Variants in AHNAK2 observed in about 807,000 individuals in gnomAD.
The protein encoded by AHNAK2 is protein AHNAK2.
Under a neutral mutation model 30.7 loss-of-function variants are expected in AHNAK2, and 18 were observed. The ratio of observed to expected loss-of-function variants is 0.59; its 90% CI spans 0.41 to 0.87. AHNAK2 has a LOEUF of 0.87. AHNAK2 is among the 40% of genes least tolerant of loss of function. The probability of loss-of-function intolerance (pLI) is 0.00; values close to 1 mark genes in which losing one functional copy is unlikely to be tolerated. For missense variants in AHNAK2, 8,604 were observed against 7,373.0 expected, an observed-to-expected ratio of 1.17 and a Z score of -6.11; for synonymous variants, 3,590 against 3,073.8, an observed-to-expected ratio of 1.17 and a Z score of -5.56.
Position 104,942,513 on chromosome 14 carries a change from G to A in AHNAK2, c.12938C>T (p.Pro4313Leu), listed in dbSNP as rs1162030103. The A allele has an allele frequency of 1.2e-6, 2 of 1,612,904 alleles. No individual in the cohort carries two copies. The highest frequency in any genetic ancestry group is 1.3e-5 in the African/African-American group (1 of 74,678). Residue 4313 changes from proline to leucine, a missense_variant, in exon 7 of 7, where the codon CCA becomes CTA. By Grantham distance (98) the Pro-to-Leu change is moderately conservative (BLOSUM62 -3). Coordinates refer to ENST00000333244, the MANE Select transcript of AHNAK2 (RefSeq NM_138420.4). ...FKMPSFGVSA[P>L]GKSIEASLDV... ...CAACGAGGCCTCGATGGACTTGCCTGGGGCAGACACCCCGAACGACGGCAT... is the reference window on the plus strand; with the variant it reads ...CAACGAGGCCTCGATGGACTTGCCTAGGGCAGACACCCCGAACGACGGCAT...
chr14:104,971,465 GT>G (rs1435960752), intron 1 of AHNAK2, among the ~76,000 whole-genome samples: 1 of 152,080 alleles, frequency 6.6e-6, no homozygotes, highest in East Asian at 1.9e-4. Context: ...GCCCTGGCTA[GT>G]CTCAAACTCC....
At position 104,950,756 on chromosome 14, in the gene AHNAK2, A is replaced by G. The variant is rs2396456; in HGVS notation, c.4695T>C (p.Pro1565=). The G allele has an allele frequency of 9.6e-4, 1,512 of 1,582,702 alleles. 133 individuals are homozygous for G. In the African/African-American group the frequency reaches 0.01, roughly 11 times the overall value. ...GQVDVKLPEG[P]VSEGAGLKGH... is the part of the protein sequence containing the mutation. The stretch of plus-strand genomic sequence containing the variant: ...CTTTGAGGCCGGCTCCCTCGGACAC[A>G]GGGCCCTCTGGGAGTTTCACGTCCA... Residue 1565 remains proline (P), a synonymous_variant, in exon 7 of 7, where the codon CCT becomes CCC. Transcript: ENST00000333244.
Position 104,939,047 on chromosome 14 carries a change from C to G in AHNAK2, c.16404G>C (p.Gln5468His). Residue 5468 changes from glutamine to histidine, a missense_variant, in exon 7 of 7, where the codon CAG becomes CAC. By Grantham distance (24) the Gln-to-His change is conservative. Coordinates refer to ENST00000333244, the MANE Select transcript of AHNAK2 (RefSeq NM_138420.4). ...PPISKVRVHI[Q>H]GAQVESQEVT... ...CCTCTTGACTTTCAACCTGAGCACC[C>G]TGAATATGCACTCTGACCTTTGAAA... is the stretch of plus-strand genomic sequence containing the variant. 3 of 1,607,090 alleles carry G rather than the reference C, an allele frequency of 1.9e-6. No homozygotes were observed. Among genetic ancestry groups the G allele is most frequent in the Non-Finnish European group, 2.5e-6 (3 of 1,176,762 alleles).
At position 104,944,308 on chromosome 14, in the gene AHNAK2, C is replaced by A. The variant is rs1278011683; in HGVS notation, c.11143G>T (p.Ala3715Ser). 2 of 1,613,096 alleles carry A rather than the reference C, an allele frequency of 1.2e-6. No individual in the cohort carries two copies. Among genetic ancestry groups the A allele is most frequent in the Admixed American group, 1.7e-5 (1 of 59,972 alleles). The change falls in exon 7 of 7, where the codon GCC becomes TCC. Residue 3715 changes from alanine (A) to serine (S), a missense_variant. Coordinates refer to ENST00000333244, the MANE Select transcript of AHNAK2 (RefSeq NM_138420.4). Reference protein sequence around the residue: ...KLPEGQVPEGAGLKEHLPKVE... With the variant: ...KLPEGQVPEGSGLKEHLPKVE... ...TTGGGCAGGTGCTCTTTGAGGCCGG[C>A]TCCCTCGGGCACCTGGCCCTCCGGG...
chr14:104,948,250 G>A lies in AHNAK2; in HGVS notation c.7201C>T (p.Leu2401=), dbSNP rs747316420. 1 of 1,612,666 alleles carries A rather than the reference G, an allele frequency of 6.2e-7. No individual in the cohort carries two copies. Among genetic ancestry groups the A allele is most frequent in the South Asian group, 1.1e-5 (1 of 91,028 alleles). Residue 2401 remains leucine (L), a synonymous_variant, in exon 7 of 7, where the codon CTG becomes TTG. Coordinates refer to ENST00000333244, the MANE Select transcript of AHNAK2 (RefSeq NM_138420.4). The part of the protein sequence containing the change: ...VPEGAGLKGH[L]PKLQMPSFKM... ...AAACTGGGCATCTGCAGCTTGGGCA[G>A]GTGCCCTTTGAGGCCGGCTCCCTCC...
intron 1 of AHNAK2, among the ~76,000 whole-genome samples, chr14:104,960,438 A>G (rs549016325): frequency 6.6e-6 from 1 of 152,364 alleles, no homozygotes; most frequent in East Asian, 1.9e-4. Context: ...GAGATGATTT[A>G]AAGTATAGGG....
chr14:104,968,724 A>T (rs1595433042), intron 1 of AHNAK2, among the ~76,000 whole-genome samples: 1 of 152,206 alleles, frequency 6.6e-6, no homozygotes, highest in African/African-American at 2.4e-5. Context: ...CAGTGGCCGG[A>T]AAAGTCCATC....
In AHNAK2 at chr14:104,944,343, T is replaced by A. The variant is rs1180662037; in HGVS notation, c.11108A>T (p.Asp3703Val). 1 of 1,612,198 alleles carries A rather than the reference T, an allele frequency of 6.2e-7. No homozygotes were observed. ...ADLKVQAGQM[D>V]VKLPEGQVPE... ...CACCTGGCCCTCCGGGAGCTTCACA[T>A]CCATCTGGCCAGCCTGGACCTTCAG... Residue 3703 changes from aspartate (D) to valine (V), a missense_variant, in exon 7 of 7, where the codon GAT becomes GTT. Asp to Val is a radical substitution (Grantham distance 152). Transcript: ENST00000333244.
chr14:104,965,953 C>A (rs1899290916), intron 1 of AHNAK2, among the ~76,000 whole-genome samples: 1 of 152,160 alleles, frequency 6.6e-6, no homozygotes, highest in Non-Finnish European at 1.5e-5. Context: ...GCAGAGGCAC[C>A]CCCAGGGCCA....
At chr14:104,964,160 G>C (rs994798717) in intron 1 of AHNAK2, among the ~76,000 whole-genome samples, 5 of 152,242 alleles carry the variant, frequency 3.3e-5, no homozygotes, top group Middle Eastern at 3.4e-3. Context: ...CAAACAACCC[G>C]ATAGAAATAT....
chr14:104,950,828 C>T lies in AHNAK2; in HGVS notation c.4623G>A (p.Leu1541=), dbSNP rs138659930. ...GGTCAGCAGAAGGGGGCTGTATGCT[C>T]AGGTCAGTGGCCTTGAGGTCCCCCT... The part of the protein sequence containing the change: ...SMQGDLKATD[L]SIQPPSADLE... Residue 1541 remains leucine (L), a synonymous_variant, in exon 7 of 7, where the codon CTG becomes CTA. Coordinates refer to ENST00000333244, the MANE Select transcript of AHNAK2 (RefSeq NM_138420.4). The T allele has an allele frequency of 2.8e-5, 45 of 1,580,732 alleles. 3 individuals are homozygous for T. The highest frequency in any genetic ancestry group is 3.4e-5 in the Non-Finnish European group (39 of 1,160,104).
chr14:104,951,670 G>A lies in AHNAK2; in HGVS notation c.3781C>T (p.Leu1261Phe). ...MPSLKMPKVD[L>F]KGPQVEVRGP... Reference sequence around the variant, plus strand: ...CTGACTTCCACCTGGGGGCCCTTGAGGTCCACTTTGGGCATCTTCAAACTA... The same window carrying A: ...CTGACTTCCACCTGGGGGCCCTTGAAGTCCACTTTGGGCATCTTCAAACTA... Residue 1261 changes from leucine to phenylalanine, a missense_variant, in exon 7 of 7, where the codon CTC becomes TTC. Transcript: ENST00000333244. The A allele has an allele frequency of 8.0e-7, 1 of 1,242,426 alleles. No homozygotes were observed. The highest frequency in any genetic ancestry group is 1.5e-5 in the African/African-American group (1 of 68,708). The allele number at this position is 1,242,426 out of a possible 1,614,324, so 77.0% of individuals were successfully genotyped here.
intron 1 of AHNAK2, among the ~76,000 whole-genome samples, chr14:104,972,394 G>A (rs963292775): frequency 6.6e-6 from 1 of 152,196 alleles, no homozygotes; most frequent in Non-Finnish European, 1.5e-5. Flanking sequence ...GGCAGGGCAG[G>A]GCTGGCTGAG....
Position 104,941,800 on chromosome 14 carries a change from T to C in AHNAK2, c.13651A>G (p.Met4551Val). ...ACTTTGGGCATCTTGAAACTGGGCA[T>C]CTCCACCTTGGGCAGGTGCCCTTTG... Reference protein sequence around the residue: ...GLKGHLPKVEMPSFKMPKVDL... With the variant: ...GLKGHLPKVEVPSFKMPKVDL... The change falls in exon 7 of 7, where the codon ATG becomes GTG. Residue 4551 changes from methionine (M) to valine (V), a missense_variant. Physicochemically the swap from Met to Val is conservative, Grantham distance 21. Coordinates refer to ENST00000333244, the MANE Select transcript of AHNAK2 (RefSeq NM_138420.4). 1 of 1,613,368 alleles carries C rather than the reference T, an allele frequency of 6.2e-7. No individual in the cohort carries two copies. Among genetic ancestry groups the C allele is most frequent in the South Asian group, 1.1e-5 (1 of 91,056 alleles).
At position 104,953,221 on chromosome 14, in the gene AHNAK2, G is replaced by C; in HGVS notation, c.2230C>G (p.Pro744Ala). The C allele has an allele frequency of 6.2e-7, 1 of 1,612,900 alleles. No individual in the cohort carries two copies. Among genetic ancestry groups the C allele is most frequent in the Non-Finnish European group, 8.5e-7 (1 of 1,179,640 alleles). The change falls in exon 7 of 7, where the codon CCG becomes GCG. Residue 744 changes from proline to alanine, a missense_variant. Physicochemically the swap from Pro to Ala is conservative, Grantham distance 27. Coordinates refer to ENST00000333244, the MANE Select transcript of AHNAK2 (RefSeq NM_138420.4). ...GCTCCCTCGGGCAGGGGGCCCTCCGGAAGTTTCACATCCACTTGGCCATCC... is the reference window on the plus strand; with the variant it reads ...GCTCCCTCGGGCAGGGGGCCCTCCGCAAGTTTCACATCCACTTGGCCATCC... ...VQDGQVDVKL[P>A]EGPLPEGASL...
At position 104,940,873 on chromosome 14, in the gene AHNAK2, C is replaced by T. The variant is rs1177383714; in HGVS notation, c.14578G>A (p.Val4860Ile). Residue 4860 changes from valine to isoleucine, a missense_variant, in exon 7 of 7, where the codon GTA (valine) becomes ATA (isoleucine). By Grantham distance (29) the Val-to-Ile change is conservative. Coordinates refer to ENST00000333244, the MANE Select transcript of AHNAK2 (RefSeq NM_138420.4). The surrounding 1 kb of genome is among the most constrained non-coding windows in gnomAD (Gnocchi z 4.4). Reference protein sequence around the residue: ...NSMIPVSLGQVSFPKFYKPKF... With the variant: ...NSMIPVSLGQISFPKFYKPKF... ...GGTTTATAGAATTTAGGAAAAGATA[C>T]CTGACCAAGAGAAACAGGAATCATG... 9 of 1,612,834 alleles carry T rather than the reference C, an allele frequency of 5.6e-6. No homozygotes were observed. Among genetic ancestry groups the T allele is most frequent in the African/African-American group, 2.7e-5 (2 of 75,046 alleles).
intron 1 of AHNAK2, among the ~76,000 whole-genome samples, chr14:104,967,810 C>G (rs1047302864): frequency 5.3e-5 from 8 of 152,202 alleles, no homozygotes; most frequent in Non-Finnish European, 1.2e-4. Flanking sequence ...GCCAGGCTAC[C>G]GGCCTCGGAC....
At position 104,952,641 on chromosome 14, in the gene AHNAK2, T is replaced by A; in HGVS notation, c.2810A>T (p.Asp937Val). The A allele has an allele frequency of 6.2e-7, 1 of 1,611,364 alleles. No individual in the cohort carries two copies. Among genetic ancestry groups the A allele is most frequent in the Non-Finnish European group, 8.5e-7 (1 of 1,179,198 alleles). ...PKVDLKGPQI[D>V]VKGPKLDLKG... ...CAGGTCCAGCTTGGGGCCCTTAACA[T>A]CTATCTGGGGGCCCTTGAGGTCCAC... The change falls in exon 7 of 7, where the codon GAT becomes GTT. Residue 937 changes from aspartate to valine, a missense_variant. Coordinates refer to ENST00000333244, the MANE Select transcript of AHNAK2 (RefSeq NM_138420.4).
In AHNAK2 at chr14:104,947,154, T is replaced by C; in HGVS notation, c.8297A>G (p.Glu2766Gly). 1 of 1,611,932 alleles carries C rather than the reference T, an allele frequency of 6.2e-7. No homozygotes were observed. The highest frequency in any genetic ancestry group is 8.5e-7 in the Non-Finnish European group (1 of 1,179,484). The change falls in exon 7 of 7, where the codon GAA (glutamate) becomes GGA (glycine). Residue 2766 changes from glutamate (E) to glycine (G), a missense_variant. Transcript: ENST00000333244. ...CATCTTCACATCGGGGGCTGTCACT[T>C]CCGCCTTGGGGCCTTTCAGGTCCAC... ...PNVDLKGPKA[E>G]VTAPDVKMSL...
Sources: allele counts gnomAD v4.1 joint callset (sites outside exome capture counted in the v4.1 genomes callset), GRCh38; gene constraint gnomAD v4.1.1; non-coding constraint Gnocchi (gnomAD v3.1); transcripts MANE v1.5; gene names NCBI Gene and HGNC (gene_info 2026-07-23, HGNC 2026-07-21).